Variants in GPC5 observed in about 807,000 individuals in gnomAD.
GPC5 encodes glypican 5, also known as glypican-5.
A neutral mutation model predicts 53.9 loss-of-function variants in GPC5; 47 were observed. The ratio of observed to expected loss-of-function variants is 0.87; its 90% CI spans 0.69 to 1.11. The LOEUF (loss-of-function observed/expected upper bound fraction) is 1.11, where lower values mean the gene tolerates loss of function less well. GPC5 is among the 50% of genes most tolerant of loss of function. The pLI, the probability that GPC5 is intolerant of heterozygous loss-of-function variation, is 0.00. For missense variants in GPC5, 748 were observed against 713.1 expected (o/e 1.05, Z -0.56); for synonymous variants, 286 against 263.3 (o/e 1.09, Z -0.84).
intron 3 of GPC5, among the ~76,000 whole-genome samples, chr13:91,707,621 A>T (rs965254801): frequency 6.6e-6 from 1 of 151,908 alleles, no homozygotes; most frequent in Non-Finnish European, 1.5e-5. Flanking sequence ...GCCCTGTCTC[A>T]AAAAAAATAA....
intron 1 of GPC5, among the ~76,000 whole-genome samples, chr13:91,434,371 T>G (rs1256205569): frequency 6.6e-6 from 1 of 152,070 alleles, no homozygotes; most frequent in Admixed American, 6.6e-5. Flanking sequence ...CTTGAATTAA[T>G]TTTTGTATAA....
chr13:92,418,962 TG>T (rs1161380357), intron 7 of GPC5, among the ~76,000 whole-genome samples: 1 of 152,222 alleles, frequency 6.6e-6, no homozygotes, highest in African/African-American at 2.4e-5. Flanking sequence ...TCTGCAACCC[TG>T]GAGAGTAAAC....
chr13:92,372,602 T>C (rs2043659987), intron 7 of GPC5, among the ~76,000 whole-genome samples: 1 of 152,172 alleles, frequency 6.6e-6, no homozygotes, highest in African/African-American at 2.4e-5. Flanking sequence ...TTACTGAAAA[T>C]ATTTGAGGTG....
intron 7 of GPC5, among the ~76,000 whole-genome samples, chr13:92,212,007 TG>T (rs1387006150): frequency 1.4e-5 from 2 of 147,428 alleles, no homozygotes; most frequent in Admixed American, 6.9e-5. Context: ...TATTTGGAGG[TG>T]GGGCCTTTGG....
intron 7 of GPC5, among the ~76,000 whole-genome samples, chr13:92,561,304 G>A (rs1312927972): frequency 1.3e-5 from 2 of 151,956 alleles, no homozygotes; most frequent in Admixed American, 6.6e-5. Context: ...TTAATTAAAG[G>A]TTTTGTAATT....
At chr13:92,790,341 T>G (rs1876417272) in intron 7 of GPC5, among the ~76,000 whole-genome samples, 1 of 152,102 alleles carries the variant, frequency 6.6e-6, no homozygotes, top group African/African-American at 2.4e-5. Context: ...AGAGATAATT[T>G]TGAAGAAAAA....
At chr13:91,667,273 A>G (rs1286054142) in intron 2 of GPC5, among the ~76,000 whole-genome samples, 2 of 152,202 alleles carry the variant, frequency 1.3e-5, no homozygotes, top group East Asian at 1.9e-4. Flanking sequence ...CCATTTAACT[A>G]TATTAACTGA....
At chr13:92,266,912 T>G (rs1223294843) in intron 7 of GPC5, among the ~76,000 whole-genome samples, 2 of 151,990 alleles carry the variant, frequency 1.3e-5, no homozygotes, top group African/African-American at 2.4e-5. Flanking sequence ...ATAAAAAACT[T>G]AATGACACGG....
intron 7 of GPC5, among the ~76,000 whole-genome samples, chr13:92,168,527 C>T (rs1593955047): frequency 6.6e-6 from 1 of 152,020 alleles, no homozygotes; most frequent in Non-Finnish European, 1.5e-5. Flanking sequence ...GGGCAAAGGA[C>T]ATGAACAGAT....
At chr13:92,645,848 T>A (rs1885750318) in intron 7 of GPC5, among the ~76,000 whole-genome samples, 1 of 141,964 alleles carries the variant, frequency 7.0e-6, no homozygotes, top group African/African-American at 2.5e-5. Flanking sequence ...TCAAATATTT[T>A]ACCTAATTTT....
chr13:91,821,380 C>A (rs566967777), intron 5 of GPC5, among the ~76,000 whole-genome samples: 10 of 152,240 alleles, frequency 6.6e-5, no homozygotes, highest in Admixed American at 2.6e-4. Flanking sequence ...CATTCCTTGG[C>A]ATATTATTGT....
intron 7 of GPC5, among the ~76,000 whole-genome samples, chr13:92,494,636 C>A (rs750293891): frequency 2.0e-5 from 3 of 152,044 alleles, no homozygotes; most frequent in Non-Finnish European, 4.4e-5. Flanking sequence ...GTTCTCTTAG[C>A]CCCTAAAAAT....
intron 7 of GPC5, among the ~76,000 whole-genome samples, chr13:92,832,567 G>A (rs1238146721): frequency 1.3e-5 from 2 of 152,064 alleles, no homozygotes; most frequent in African/African-American, 4.8e-5. Flanking sequence ...TTATCACCTT[G>A]GTGAAAATGC....
At chr13:92,367,478 T>C (rs2043615671) in intron 7 of GPC5, among the ~76,000 whole-genome samples, 1 of 152,208 alleles carries the variant, frequency 6.6e-6, no homozygotes, top group South Asian at 2.1e-4. Flanking sequence ...TTATTTTAGC[T>C]TTTGTCCAAA....
At chr13:91,405,472 G>A (rs1317388911) in intron 1 of GPC5, among the ~76,000 whole-genome samples, 1 of 152,144 alleles carries the variant, frequency 6.6e-6, no homozygotes, top group East Asian at 1.9e-4. Flanking sequence ...TGGTTGGCTT[G>A]TTTGCATATC....
chr13:92,396,891 C>T (rs1025282518), intron 7 of GPC5, among the ~76,000 whole-genome samples: 6 of 152,128 alleles, frequency 3.9e-5, no homozygotes, highest in African/African-American at 1.4e-4. Flanking sequence ...TGTCTTTCTC[C>T]AGCTGAGAAA....
At chr13:92,736,149 AGTT>A (rs1279962475) in intron 7 of GPC5, among the ~76,000 whole-genome samples, 6 of 151,958 alleles carry the variant, frequency 3.9e-5, no homozygotes, top group East Asian at 1.9e-4. Flanking sequence ...TTGTATTTTC[AGTT>A]GTTATGTCTT....
chr13:92,753,696 G>C (rs1448420686), intron 7 of GPC5, among the ~76,000 whole-genome samples: 2 of 152,018 alleles, frequency 1.3e-5, no homozygotes, highest in Non-Finnish European at 2.9e-5. Context: ...GAAACCTCAG[G>C]AGCCGATGCG....
At chr13:91,494,637 A>G (rs1002732587) in intron 2 of GPC5, among the ~76,000 whole-genome samples, 1 of 152,138 alleles carries the variant, frequency 6.6e-6, no homozygotes, top group Non-Finnish European at 1.5e-5. Context: ...TGATCTCCAC[A>G]TCGTTAAATC....
Sources: gnomAD v4.1 joint callset for allele counts (sites outside exome capture counted in the v4.1 genomes callset) on GRCh38, gnomAD v4.1.1 for gene constraint, MANE v1.5 for transcripts, NCBI Gene and HGNC (gene_info 2026-07-23, HGNC 2026-07-21) for gene names.